FABP6: variants seen among roughly 807,000 people sequenced by gnomAD.
The protein encoded by FABP6 is gastrotropin.
FABP6 carries 13 observed loss-of-function variants against 14.9 expected under a neutral mutation model. The ratio of observed to expected loss-of-function variants is 0.87; its 90% confidence interval spans 0.57 to 1.39. FABP6 has a LOEUF of 1.39. Among genes scored for constraint, FABP6 ranks in the 40% most tolerant of loss-of-function variants. The pLI is 0.00. For missense variants in FABP6, 161 were observed against 167.2 expected, an observed-to-expected ratio of 0.96 and a Z score of 0.20; for synonymous variants, 75 against 63.6, an observed-to-expected ratio of 1.18 and a Z score of -0.85.
chr5:160,234,489 C>T (rs972007301), intron 2 of FABP6, among the ~76,000 whole-genome samples: 4 of 147,618 alleles, frequency 2.7e-5, no homozygotes, highest in African/African-American at 7.6e-5. Flanking sequence ...CGCAGTGCCA[C>T]GATCTCTGCT....
At chr5:160,198,716 G>C (rs1759566839) in intron 1 of FABP6, 1 of 191,150 alleles carries the variant, frequency 5.2e-6, no homozygotes, top group African/African-American at 2.3e-5. Context: ...GGCGTTATCT[G>C]AAATTCCTCT....
exon 2 of FABP6, chr5:160,199,102 A>T: frequency 6.2e-7 from 1 of 1,614,126 alleles, no homozygotes; most frequent in Non-Finnish European, 8.5e-7. Context: ...TCCAGCCCAG[A>T]GGCGATGAAG....
chr5:160,223,169 A>G (rs1334850643), intron 3 of FABP6, among the ~76,000 whole-genome samples: 3 of 151,920 alleles, frequency 2.0e-5, no homozygotes, highest in African/African-American at 7.3e-5. Flanking sequence ...TGTCAGCACC[A>G]TTTTTCACTT....
chr5:160,226,332 G>T (rs1760245737), upstream of FABP6, among the ~76,000 whole-genome samples: 1 of 151,830 alleles, frequency 6.6e-6, no homozygotes, highest in South Asian at 2.1e-4. Flanking sequence ...GGAGGCCGAG[G>T]CGGGCAGATC....
At chr5:160,213,880 C>A in intron 3 of FABP6, 2 of 1,329,798 alleles carry the variant, frequency 1.5e-6, no homozygotes, top group Non-Finnish European at 2.2e-6. Context: ...GGTTCTAGTT[C>A]CTCATGAACC....
At chr5:160,225,790 G>C (rs1046868062), upstream of FABP6, among the ~76,000 whole-genome samples, 1 of 152,052 alleles carries the variant, frequency 6.6e-6, no homozygotes, top group Non-Finnish European at 1.5e-5. Context: ...TTTATGTGGC[G>C]TGTGGTTATT....
At chr5:160,227,347 C>G (rs370374700), upstream of FABP6, among the ~76,000 whole-genome samples, 2 of 151,978 alleles carry the variant, frequency 1.3e-5, no homozygotes, top group East Asian at 1.9e-4. Flanking sequence ...CCAGCCTGGC[C>G]AACACAGTGA....
In FABP6 at chr5:160,205,994, C is replaced by G. The variant is rs7701310; in HGVS notation, c.51+6837C>G. 1.4e-3 allele frequency among the ~76,000 whole-genome samples: 220 copies of G among 151,978 alleles called. 1 individual carries two copies. The highest frequency in any genetic ancestry group is 2.5e-3 in the South Asian group (12 of 4,798). On this transcript the variant is annotated intron_variant, in intron 2 of 6. Coordinates refer to the FABP6 transcript ENST00000393980. ...CTTTTCTTTCTTTTCTTTTTCTTTC[C>G]TTGTAGCCTAAGGCAGCAAACCGAT...
At chr5:160,198,167 G>A (rs1245556481) in intron 1 of FABP6, 1 of 151,804 alleles carries the variant, frequency 6.6e-6, no homozygotes, top group Admixed American at 6.6e-5. Context: ...ATAGCCCTGG[G>A]GACCTGGGGC....
At chr5:160,212,206 G>A (rs1759907873) in intron 2 of FABP6, among the ~76,000 whole-genome samples, 1 of 152,002 alleles carries the variant, frequency 6.6e-6, no homozygotes, top group Non-Finnish European at 1.5e-5. Flanking sequence ...CCAGGCTGGA[G>A]TGCAGTGTCA....
At chr5:160,217,755 G>A (rs900982553) in intron 3 of FABP6, among the ~76,000 whole-genome samples, 2 of 152,090 alleles carry the variant, frequency 1.3e-5, no homozygotes, top group Non-Finnish European at 2.9e-5. Flanking sequence ...TCCCACCTCA[G>A]TCTCCTGACT....
chr5:160,199,973 C>T (rs147471813), intron 2 of FABP6, among the ~76,000 whole-genome samples: 2 of 152,352 alleles, frequency 1.3e-5, no homozygotes, highest in African/African-American at 4.8e-5. Flanking sequence ...GTGCCACTCA[C>T]CGTGCAGGCG....
chr5:160,238,650 A>G lies in FABP6; in HGVS notation c.378A>G (p.Arg126=). 1 of 1,613,936 alleles carries G rather than the reference A, an allele frequency of 6.2e-7. No individual in the cohort carries two copies. Residue 126 remains arginine, a synonymous_variant, in exon 4 of 4, where the codon AGA becomes AGG. Transcript: ENST00000402432. The stretch of plus-strand genomic sequence containing the variant: ...TGACCTATGAGCGCGTGAGCAAGAG[A>G]CTGGCCTAAGCAGCCAGGCCCGGCC... ...GGVTYERVSK[R]LA is the part of the protein sequence containing the mutation.
chr5:160,202,379 C>A (rs1759660821), intron 2 of FABP6, among the ~76,000 whole-genome samples: 1 of 152,154 alleles, frequency 6.6e-6, no homozygotes, highest in Admixed American at 6.5e-5. Context: ...ACATACAATA[C>A]CCCATGTACC....
upstream of FABP6, chr5:160,229,304 C>T (rs545543938): frequency 2.3e-5 from 15 of 661,650 alleles, no homozygotes; most frequent in East Asian, 5.1e-4. Context: ...AAACCCGTTG[C>T]CATCCTGACC....
intron 2 of FABP6, among the ~76,000 whole-genome samples, chr5:160,232,535 C>T (rs576633407): frequency 3.3e-5 from 5 of 152,282 alleles, no homozygotes; most frequent in East Asian, 1.9e-4. Flanking sequence ...CATCTTAATG[C>T]AGTTAATCCT....
At chr5:160,223,926 C>A (rs1219440484) in intron 3 of FABP6, among the ~76,000 whole-genome samples, 1 of 101,454 alleles carries the variant, frequency 9.9e-6, no homozygotes, top group Non-Finnish European at 2.0e-5. Flanking sequence ...AAAGTGAGAT[C>A]CCATCTCTAC....
chr5:160,188,026 A>G (rs1759321782), intron 1 of FABP6, among the ~76,000 whole-genome samples: 1 of 150,972 alleles, frequency 6.6e-6, no homozygotes, highest in African/African-American at 2.4e-5. Context: ...TGTTGAGATT[A>G]CAGACGTGAG....
chr5:160,228,626 C>A, upstream of FABP6: 1 of 439,424 alleles, frequency 2.3e-6, no homozygotes, highest in Non-Finnish European at 4.6e-6. Flanking sequence ...AAATAAAACT[C>A]ATCCAGCATC....
Sources: gnomAD v4.1 joint callset for allele counts (sites outside exome capture counted in the v4.1 genomes callset) on GRCh38, gnomAD v4.1.1 for gene constraint, MANE v1.5 for transcripts, NCBI Gene and HGNC (gene_info 2026-07-23, HGNC 2026-07-21) for gene names.